The following TMEM74 variants were observed in gnomAD, a reference collection of about 807,000 sequenced individuals.
TMEM74 encodes the protein transmembrane protein 74.
In TMEM74, 13 loss-of-function variants were observed where a neutral mutation model predicts 18.1. The observed-to-expected ratio is 0.72, with a 90% CI of 0.47 to 1.14. The LOEUF is 1.14. Among genes scored for constraint, TMEM74 ranks in the 50% most tolerant of loss-of-function variants. TMEM74 has a pLI of 0.00. For missense variants in TMEM74, 372 were observed against 375.9 expected, an observed-to-expected ratio of 0.99 and a Z score of 0.09; for synonymous variants, 159 against 146.6, an observed-to-expected ratio of 1.08 and a Z score of -0.61.
intron 2 of TMEM74, among the ~76,000 whole-genome samples, chr8:108,625,365 A>G (rs904517540): frequency 6.6e-6 from 1 of 152,076 alleles, no homozygotes; most frequent in Non-Finnish European, 1.5e-5. Context: ...GTGATGAGGT[A>G]AACATTCTAT....
intron 1 of TMEM74, among the ~76,000 whole-genome samples, chr8:108,700,816 G>A: frequency 6.6e-6 from 1 of 152,142 alleles, no homozygotes; most frequent in East Asian, 1.9e-4. Context: ...TTACACAGCT[G>A]GAGCATGGCA....
At chr8:108,672,383 A>G (rs936099777) in intron 1 of TMEM74, among the ~76,000 whole-genome samples, 2 of 152,202 alleles carry the variant, frequency 1.3e-5, no homozygotes, top group Non-Finnish European at 2.9e-5. Flanking sequence ...GTTTCCAGAA[A>G]TACAATATTT....
rs1814317633 is a variant in TMEM74 at position 108,782,344 on chromosome 8, ATTC to A, written c.*1834_*1836del. Among the ~76,000 whole-genome samples the A allele has an allele frequency of 1.3e-5, 2 of 152,218 alleles. No homozygotes were observed. Among genetic ancestry groups the A allele is most frequent in the Non-Finnish European group, 2.9e-5 (2 of 68,036 alleles). On this transcript the variant is annotated 3_prime_UTR_variant, in exon 2 of 2. Transcript: ENST00000297459. ...CAAAAATCATGTTTATGTCATCTCA[ATTC>A]TTTCTTTTCAGTAATCAGTATTGCT...
intron 2 of TMEM74, among the ~76,000 whole-genome samples, chr8:108,622,262 A>G (rs1812451297): frequency 6.6e-6 from 1 of 152,078 alleles, no homozygotes; most frequent in Admixed American, 6.6e-5. Flanking sequence ...ACCACTACTG[A>G]TGGAACATGG....
At chr8:108,624,625 G>A (rs1306077497) in intron 2 of TMEM74, among the ~76,000 whole-genome samples, 1 of 152,020 alleles carries the variant, frequency 6.6e-6, no homozygotes, top group African/African-American at 2.4e-5. Context: ...CATTTCAACA[G>A]TAGGACACTC....
rs571033060 is a variant in TMEM74 at position 108,710,592 on chromosome 8, C to T, written n.120-55155G>A. On this transcript the variant is annotated intron_variant and non_coding_transcript_variant, in intron 1 of 3. Transcript: ENST00000518838. Reference sequence around the variant, plus strand: ...GCAGGTGAAATGCAGTTTTATTCAGCAGCTCTCTCATCAGCAGCTTACTCA... The same window carrying T: ...GCAGGTGAAATGCAGTTTTATTCAGTAGCTCTCTCATCAGCAGCTTACTCA... Among the ~76,000 whole-genome samples the T allele has an allele frequency of 6.6e-5, 10 of 152,328 alleles. 2 individuals are homozygous for T. Among genetic ancestry groups the T allele is most frequent in the African/African-American group, 2.2e-4 (9 of 41,572 alleles).
In TMEM74 at chr8:108,695,687, A is replaced by C. The variant is rs377348078; in HGVS notation, n.120-40250T>G. Among the ~76,000 whole-genome samples, 343 of 152,054 alleles carry C rather than the reference A, an allele frequency of 2.3e-3. 1 individual carries two copies. The highest frequency in any genetic ancestry group is 7.9e-3 in the African/African-American group (326 of 41,470). ...CTACACCCCACCTTGATCTTCTCCC[A>C]ATTTGTGTATAGTGAAGTTTTCTGC... On this transcript the variant is annotated intron_variant and non_coding_transcript_variant, in intron 1 of 3. Coordinates refer to the TMEM74 transcript ENST00000518838.
rs1275037284 is a variant in TMEM74 at position 108,659,136 on chromosome 8, G to A, written n.120-3699C>T. Reference sequence around the variant, plus strand: ...AACAAGTAATTTAACATTTAATATGGAGAAAAGACCATTTCTCCTTCAAAA... The same window carrying A: ...AACAAGTAATTTAACATTTAATATGAAGAAAAGACCATTTCTCCTTCAAAA... On this transcript the variant is annotated intron_variant and non_coding_transcript_variant, in intron 1 of 3. Coordinates refer to the TMEM74 transcript ENST00000518838. Among the ~76,000 whole-genome samples the A allele has an allele frequency of 3.3e-5, 5 of 149,620 alleles. No individual in the cohort carries two copies. The Admixed American group carries it at 3.3e-4, about 10-fold the overall frequency.
intron 2 of TMEM74, among the ~76,000 whole-genome samples, chr8:108,616,940 A>T (rs1812389508): frequency 6.6e-6 from 1 of 151,472 alleles, no homozygotes; most frequent in Admixed American, 6.6e-5. Context: ...TATAGTGACT[A>T]TATTATATAT....
Position 108,784,357 on chromosome 8 carries a change from A to T in TMEM74, c.742T>A (p.Cys248Ser). The change falls in exon 2 of 2, where the codon TGC becomes AGC. Residue 248 changes from cysteine to serine, a missense_variant. Cys to Ser is a moderately radical substitution (Grantham distance 112). Coordinates refer to ENST00000297459, the MANE Select transcript of TMEM74 (RefSeq NM_153015.3). ...TTCCACATGGACATCATTAACAAGC[A>T]GGACAGGATGACGCCCCCCAGCGTG... ...LLTLGGVILS[C>S]LLMMSMWKGE... 4 of 1,614,092 alleles carry T rather than the reference A, an allele frequency of 2.5e-6. No homozygotes were observed. The highest frequency in any genetic ancestry group is 3.4e-6 in the Non-Finnish European group (4 of 1,180,038).
At chr8:108,714,881 T>C (rs1229506773) in intron 1 of TMEM74, among the ~76,000 whole-genome samples, 4 of 152,222 alleles carry the variant, frequency 2.6e-5, no homozygotes, top group African/African-American at 9.6e-5. Flanking sequence ...TGCAGCAACG[T>C]GGATGGAGCT....
intron 1 of TMEM74, among the ~76,000 whole-genome samples, chr8:108,747,295 T>C (rs886949484): frequency 6.6e-6 from 1 of 152,074 alleles, no homozygotes; most frequent in African/African-American, 2.4e-5. Context: ...TGTGAGCATA[T>C]AGTGAAACAA....
chr8:108,625,766 A>G (rs112619222), intron 2 of TMEM74, among the ~76,000 whole-genome samples: 1 of 152,108 alleles, frequency 6.6e-6, no homozygotes, highest in Non-Finnish European at 1.5e-5. Flanking sequence ...CTCTCTACCC[A>G]ATATTAACCT....
intron 1 of TMEM74, among the ~76,000 whole-genome samples, chr8:108,659,461 C>T (rs1164658619): frequency 6.6e-6 from 1 of 152,124 alleles, no homozygotes; most frequent in Non-Finnish European, 1.5e-5. Context: ...TTCAGAAAAG[C>T]TGGTGTTCTC....
intron 1 of TMEM74, among the ~76,000 whole-genome samples, chr8:108,666,886 A>G (rs961074572): frequency 1.3e-5 from 2 of 152,158 alleles, no homozygotes; most frequent in African/African-American, 4.8e-5. Context: ...AGTGCAGATG[A>G]ACTCAGGCCA....
At chr8:108,634,990 C>G (rs1812592521) in intron 2 of TMEM74, among the ~76,000 whole-genome samples, 1 of 151,940 alleles carries the variant, frequency 6.6e-6, no homozygotes, top group Non-Finnish European at 1.5e-5. Flanking sequence ...AACATTGTAG[C>G]TGGCCTTGTA....
intron 1 of TMEM74, among the ~76,000 whole-genome samples, chr8:108,770,105 T>C (rs748491622): frequency 4.7e-4 from 72 of 152,294 alleles, no homozygotes; most frequent in Non-Finnish European, 9.0e-4. Flanking sequence ...CATAGATCAA[T>C]AGATCTTGTC....
intron 2 of TMEM74, among the ~76,000 whole-genome samples, chr8:108,640,060 C>A (rs1447778135): frequency 6.6e-6 from 1 of 151,584 alleles, no homozygotes; most frequent in East Asian, 1.9e-4. Flanking sequence ...TCATTCGTAA[C>A]CCCCTCCATA....
intron 1 of TMEM74, among the ~76,000 whole-genome samples, chr8:108,702,575 T>C (rs1466001083): frequency 1.3e-5 from 2 of 152,058 alleles, no homozygotes; most frequent in East Asian, 3.9e-4. Context: ...CACAAAACTG[T>C]AAAACACTAA....
Sources: gnomAD v4.1 joint callset for allele counts (sites outside exome capture counted in the v4.1 genomes callset) on GRCh38, gnomAD v4.1.1 for gene constraint, MANE v1.5 for transcripts, NCBI Gene and HGNC (gene_info 2026-07-23, HGNC 2026-07-21) for gene names.